Variants in TMEM245 observed in about 807,000 individuals in gnomAD.
TMEM245 encodes protein CG-2.
TMEM245 carries 69 observed loss-of-function variants against 101.2 expected under a neutral mutation model. The observed-to-expected ratio is 0.68, with a 90% CI of 0.56 to 0.83. TMEM245 has a LOEUF of 0.83. Among genes scored for constraint, TMEM245 ranks in the 40% least tolerant of loss-of-function variants. The probability of loss-of-function intolerance (pLI) is 0.00; values close to 1 mark genes in which losing one functional copy is unlikely to be tolerated. For synonymous variants in TMEM245, 537 were observed against 449.8 expected (o/e 1.19, Z -2.45); for missense variants, 1,075 against 1,092.8 (o/e 0.98, Z 0.23).
At chr9:109,092,069 T>C (rs1191422435) in intron 4 of TMEM245, among the ~76,000 whole-genome samples, 1 of 152,202 alleles carries the variant, frequency 6.6e-6, no homozygotes, top group Non-Finnish European at 1.5e-5. Flanking sequence ...ACCTCACATT[T>C]TCCCCCTGGT....
At chr9:109,107,539 G>A (rs941094433) in intron 2 of TMEM245, among the ~76,000 whole-genome samples, 1 of 151,898 alleles carries the variant, frequency 6.6e-6, no homozygotes, top group African/African-American at 2.4e-5. Context: ...TTCAAAATGA[G>A]TCATATCTGA....
intron 3 of TMEM245, among the ~76,000 whole-genome samples, chr9:109,094,594 A>C (rs1389932760): frequency 6.6e-6 from 1 of 152,220 alleles, no homozygotes; most frequent in Non-Finnish European, 1.5e-5. Context: ...ACAGTCCTTC[A>C]GTGTCACTGA....
At chr9:109,060,051 A>G (rs1828963094) in intron 11 of TMEM245, among the ~76,000 whole-genome samples, 1 of 152,234 alleles carries the variant, frequency 6.6e-6, no homozygotes, top group Non-Finnish European at 1.5e-5. Context: ...AAGTATTAGA[A>G]AATTTAACAT....
intron 12 of TMEM245, among the ~76,000 whole-genome samples, chr9:109,055,179 G>A (rs1044547029): frequency 3.3e-5 from 5 of 152,026 alleles, no homozygotes; most frequent in East Asian, 3.9e-4. Flanking sequence ...TAAGTTCAAC[G>A]ACTACAGTCA....
At chr9:109,109,712 A>C (rs774229180) in intron 1 of TMEM245, among the ~76,000 whole-genome samples, 6 of 152,176 alleles carry the variant, frequency 3.9e-5, no homozygotes, top group Non-Finnish European at 8.8e-5. Flanking sequence ...GATTCAGAAC[A>C]GTGAAAAAAG....
intron 10 of TMEM245, among the ~76,000 whole-genome samples, chr9:109,062,322 G>A (rs571968237): frequency 2.5e-4 from 38 of 152,256 alleles, no homozygotes; most frequent in African/African-American, 8.4e-4. Flanking sequence ...AATGGCTCTT[G>A]CTATGCATTG....
At chr9:109,025,369 C>G (rs1182164843) in intron 17 of TMEM245, among the ~76,000 whole-genome samples, 1 of 152,144 alleles carries the variant, frequency 6.6e-6, no homozygotes, top group Non-Finnish European at 1.5e-5. Flanking sequence ...CTGTGCCCAG[C>G]GGATACTCAT....
At chr9:109,051,351 T>C (rs925683184) in intron 12 of TMEM245, among the ~76,000 whole-genome samples, 8 of 142,048 alleles carry the variant, frequency 5.6e-5, no homozygotes, top group Admixed American at 4.9e-4. Flanking sequence ...TCATTGTAGA[T>C]TATGTAAAAA....
At chr9:109,099,922 C>T (rs1265586633) in intron 3 of TMEM245, among the ~76,000 whole-genome samples, 1 of 152,170 alleles carries the variant, frequency 6.6e-6, no homozygotes, top group Non-Finnish European at 1.5e-5. Flanking sequence ...CCATCTCTTG[C>T]TCGCCCTTGT....
At chr9:109,068,576 T>C (rs1296381153) in intron 9 of TMEM245, among the ~76,000 whole-genome samples, 1 of 151,886 alleles carries the variant, frequency 6.6e-6, no homozygotes, top group Non-Finnish European at 1.5e-5. Flanking sequence ...GAGGTGAAGG[T>C]TGCACTGAGC....
intron 1 of TMEM245, among the ~76,000 whole-genome samples, chr9:109,114,060 G>A (rs929983448): frequency 6.6e-6 from 1 of 152,068 alleles, no homozygotes; most frequent in South Asian, 2.1e-4. Context: ...TGGGCAACAA[G>A]AGCGTAAATC....
intron 17 of TMEM245, among the ~76,000 whole-genome samples, chr9:109,025,598 A>C (rs1827769056): frequency 6.6e-6 from 1 of 152,214 alleles, no homozygotes. Context: ...AGTTCCTGGG[A>C]CATATGCCTT....
intron 3 of TMEM245, 114 bp from the exon 4 acceptor site, chr9:109,093,705 C>T: frequency 1.2e-6 from 1 of 838,060 alleles, no homozygotes; most frequent in Non-Finnish European, 2.0e-6. Flanking sequence ...ACTACTGACC[C>T]ACTGAATAAG....
rs376799005 is a variant in TMEM245 at position 109,057,049 on chromosome 9, AG to A, written c.1854+141del. On this transcript the variant is annotated intron_variant, in intron 12 of 17. Coordinates refer to ENST00000374586, the MANE Select transcript of TMEM245 (RefSeq NM_032012.4). The stretch of plus-strand genomic sequence containing the variant: ...GCCTATGGCTTTTGAACATCATCCT[AG>A]TGCATTTAGAGTTCTCAAATATGTA... 342 of 869,842 alleles carry A rather than the reference AG, an allele frequency of 3.9e-4. No individual in the cohort carries two copies. In the East Asian group the frequency reaches 9.0e-3, roughly 23 times the overall value. 53.9% of individuals were successfully genotyped at this position (869,842 alleles called of 1,614,324 possible). A position where few individuals can be genotyped will look rare whatever the true frequency, so the allele number is the denominator to read the frequency against.
At chr9:109,037,928 C>G in intron 15 of TMEM245, 89 bp downstream of exon 15, 1 of 1,105,140 alleles carries the variant, frequency 9.0e-7, no homozygotes, top group Non-Finnish European at 1.3e-6. Flanking sequence ...GTTTTTTAAA[C>G]TTGAGGAAGT....
At chr9:109,078,094 A>G (rs1829565958) in intron 8 of TMEM245, among the ~76,000 whole-genome samples, 1 of 152,150 alleles carries the variant, frequency 6.6e-6, no homozygotes, top group African/African-American at 2.4e-5. Context: ...TCTAAATCTT[A>G]TCTCATCTTT....
chr9:109,023,208 G>A (rs1827683798), intron 17 of TMEM245, among the ~76,000 whole-genome samples: 1 of 152,188 alleles, frequency 6.6e-6, no homozygotes, highest in Admixed American at 6.5e-5. Flanking sequence ...GGGTGTTAGG[G>A]TGATTGATGG....
At position 109,018,389 on chromosome 9, in the gene TMEM245, T is replaced by C. The variant is rs986404082; in HGVS notation, c.*2071A>G. The C allele has an allele frequency of 1.3e-5, 2 of 152,238 alleles. No individual in the cohort carries two copies. The highest frequency in any genetic ancestry group is 2.4e-5 in the African/African-American group (1 of 41,464). 9.4% of individuals were successfully genotyped at this position (152,238 alleles called of 1,614,324 possible). On this transcript the variant is annotated 3_prime_UTR_variant, in exon 18 of 18. Coordinates refer to ENST00000374586, the MANE Select transcript of TMEM245 (RefSeq NM_032012.4). Reference sequence around the variant, plus strand: ...AGTGCCTGGCACAGAATCTAGAGTTTAGCCAACTCTCAACAAATGTTTTAG... The same window carrying C: ...AGTGCCTGGCACAGAATCTAGAGTTCAGCCAACTCTCAACAAATGTTTTAG...
chr9:109,066,331 T>A (rs1588047097), intron 9 of TMEM245, among the ~76,000 whole-genome samples: 2 of 151,840 alleles, frequency 1.3e-5, no homozygotes, highest in African/African-American at 4.8e-5. Flanking sequence ...TGCACAAAAC[T>A]GTAGTCCCAG....
Sources: gnomAD v4.1 joint callset for allele counts (sites outside exome capture counted in the v4.1 genomes callset) on GRCh38, gnomAD v4.1.1 for gene constraint, MANE v1.5 for transcripts, NCBI Gene and HGNC (gene_info 2026-07-23, HGNC 2026-07-21) for gene names.